CDH13: variants seen among roughly 807,000 people sequenced by gnomAD.
The protein encoded by CDH13 is cadherin 13.
A neutral mutation model predicts 63.8 loss-of-function variants in CDH13; 24 were observed. That is an observed-to-expected ratio of 0.38 (90% CI 0.27 to 0.53). CDH13 has a LOEUF of 0.53. Among genes scored for constraint, CDH13 ranks in the 20% least tolerant of loss-of-function variants. The pLI, the probability that CDH13 is intolerant of heterozygous loss-of-function variation, is 0.85. For synonymous variants in CDH13, 503 were observed against 355.3 expected, an observed-to-expected ratio of 1.42 and a Z score of -4.67; for missense variants, 1,049 against 903.1, an observed-to-expected ratio of 1.16 and a Z score of -2.07.
At chr16:83,753,071 A>ATT (rs1391119222) in intron 11 of CDH13, among the ~76,000 whole-genome samples, 12 of 152,344 alleles carry the variant, frequency 7.9e-5, no homozygotes, top group African/African-American at 2.9e-4. Flanking sequence ...TTAACATACA[A>ATT]AACCATCGTT....
chr16:83,487,764 C>T (rs1455023599), intron 7 of CDH13, among the ~76,000 whole-genome samples: 1 of 152,202 alleles, frequency 6.6e-6, no homozygotes, highest in African/African-American at 2.4e-5. Flanking sequence ...GGGCTTCCCT[C>T]GGGGGCTCTG....
At chr16:83,682,415 C>G (rs1915482871) in intron 10 of CDH13, among the ~76,000 whole-genome samples, 2 of 152,142 alleles carry the variant, frequency 1.3e-5, no homozygotes, top group African/African-American at 4.8e-5. Flanking sequence ...CATCTAAAAT[C>G]TCCACCCAGG....
At chr16:82,776,785 C>G (rs2035518669) in intron 1 of CDH13, among the ~76,000 whole-genome samples, 1 of 152,160 alleles carries the variant, frequency 6.6e-6, no homozygotes. Context: ...TCTTCTCCCA[C>G]CAGAAAGAGA....
intron 8 of CDH13, 89 bp downstream of exon 8, chr16:83,602,683 G>T: frequency 7.4e-7 from 1 of 1,347,490 alleles, no homozygotes; most frequent in Non-Finnish European, 1.1e-6. Context: ...GCACCTGCTG[G>T]CCCCCCTTTC....
At chr16:83,556,796 T>G (rs2075611812) in intron 7 of CDH13, among the ~76,000 whole-genome samples, 1 of 152,210 alleles carries the variant, frequency 6.6e-6, no homozygotes, top group African/African-American at 2.4e-5. Flanking sequence ...CACGCCACAC[T>G]TAGGCAAGAA....
At chr16:83,299,164 T>C (rs79282218) in intron 5 of CDH13, among the ~76,000 whole-genome samples, 5 of 152,140 alleles carry the variant, frequency 3.3e-5, no homozygotes, top group African/African-American at 1.2e-4. Context: ...TGAATGGAGA[T>C]AATATCTTTC....
At chr16:82,739,618 A>G (rs1297443744) in intron 1 of CDH13, among the ~76,000 whole-genome samples, 1 of 152,210 alleles carries the variant, frequency 6.6e-6, no homozygotes, top group African/African-American at 2.4e-5. Flanking sequence ...AAATTAAATG[A>G]AGACACGGGA....
intron 10 of CDH13, among the ~76,000 whole-genome samples, chr16:83,691,505 C>T (rs538290217): frequency 6.6e-6 from 1 of 152,208 alleles, no homozygotes; most frequent in East Asian, 1.9e-4. Flanking sequence ...TCCTGAGAAT[C>T]CCCTTACAGC....
chr16:83,018,816 C>T (rs11645806), intron 2 of CDH13, among the ~76,000 whole-genome samples: 62,004 of 152,084 alleles, frequency 0.41, 12,972 homozygotes, highest in Admixed American at 0.44. Context: ...GCAATTGTAA[C>T]ACAATGGCAA....
chr16:83,157,927 A>G (rs2037281129), intron 4 of CDH13, among the ~76,000 whole-genome samples: 1 of 151,904 alleles, frequency 6.6e-6, no homozygotes, highest in Non-Finnish European at 1.5e-5. Flanking sequence ...AAAAAGAAAG[A>G]AAAAAGAAAA....
chr16:83,081,006 C>T (rs1279598006), intron 3 of CDH13, among the ~76,000 whole-genome samples: 4 of 150,620 alleles, frequency 2.7e-5, no homozygotes, highest in Admixed American at 6.6e-5. Context: ...CTCAGCCTCC[C>T]GAGTAACTGG....
chr16:83,688,082 T>G (rs1904490810), intron 10 of CDH13, among the ~76,000 whole-genome samples: 1 of 152,242 alleles, frequency 6.6e-6, no homozygotes, highest in African/African-American at 2.4e-5. Flanking sequence ...CCAAAAGATT[T>G]GTTAAAATGC....
At chr16:82,847,496 C>G (rs1185329582) in intron 1 of CDH13, among the ~76,000 whole-genome samples, 1 of 152,186 alleles carries the variant, frequency 6.6e-6, no homozygotes, top group Admixed American at 6.5e-5. Flanking sequence ...CTGCCCTCAC[C>G]TTCATCATCA....
chr16:83,316,436 C>A (rs983924369), intron 5 of CDH13, among the ~76,000 whole-genome samples: 1 of 152,144 alleles, frequency 6.6e-6, no homozygotes, highest in African/African-American at 2.4e-5. Flanking sequence ...AAACGGGGAG[C>A]GATGCAAAAG....
At chr16:82,799,044 C>G (rs756131548) in intron 1 of CDH13, among the ~76,000 whole-genome samples, 59 of 152,152 alleles carry the variant, frequency 3.9e-4, no homozygotes, top group African/African-American at 1.4e-3. Flanking sequence ...AATTTTGTAC[C>G]TCTTAGGACT....
intron 1 of CDH13, among the ~76,000 whole-genome samples, chr16:82,760,558 G>T (rs935589044): frequency 7.2e-5 from 11 of 152,116 alleles, no homozygotes; most frequent in African/African-American, 2.2e-4. Flanking sequence ...GGTATTTATT[G>T]AGTGTCTTTA....
At chr16:83,066,209 G>A (rs1420059864) in intron 3 of CDH13, among the ~76,000 whole-genome samples, 1 of 152,198 alleles carries the variant, frequency 6.6e-6, no homozygotes, top group Non-Finnish European at 1.5e-5. Context: ...ACATGGTGAT[G>A]ATGAGTTCTT....
chr16:83,066,140 T>C (rs182392326), intron 3 of CDH13, among the ~76,000 whole-genome samples: 1 of 152,342 alleles, frequency 6.6e-6, no homozygotes, highest in African/African-American at 2.4e-5. Flanking sequence ...AAACTAGATA[T>C]GAAATTTGAA....
chr16:83,526,693 G>C (rs946227284), intron 7 of CDH13, among the ~76,000 whole-genome samples: 1 of 152,320 alleles, frequency 6.6e-6, no homozygotes, highest in African/African-American at 2.4e-5. Context: ...TGCTGCCACT[G>C]TTTAAACACT....
Sources: allele counts gnomAD v4.1 joint callset (sites outside exome capture counted in the v4.1 genomes callset), GRCh38; gene constraint gnomAD v4.1.1; transcripts MANE v1.5; gene names NCBI Gene and HGNC (gene_info 2026-07-23, HGNC 2026-07-21).